LAP3: variants seen among roughly 807,000 people sequenced by gnomAD.
LAP3 encodes the protein cytosol aminopeptidase.
A neutral mutation model predicts 58.8 loss-of-function variants in LAP3; 46 were observed. That is an observed-to-expected ratio of 0.78 (90% CI 0.62 to 1.00). LAP3 has a LOEUF of 1.00. Among genes scored for constraint, LAP3 ranks in the 50% least tolerant of loss-of-function variants. LAP3 has a pLI of 0.00. For missense variants in LAP3, 615 were observed against 659.1 expected, an observed-to-expected ratio of 0.93 and a Z score of 0.73; for synonymous variants, 257 against 237.7, an observed-to-expected ratio of 1.08 and a Z score of -0.75.
In LAP3 at chr4:17,585,100, T is replaced by C; in HGVS notation, c.668T>C (p.Leu223Pro). ...TRFAEIIEKNLKSASSKTEVH... is the reference protein window; with the variant it reads ...TRFAEIIEKNPKSASSKTEVH... ...TTTGCTGAAATTATTGAGAAGAATC[T>C]CAAAAGTGCTAGTAGTAAAACCGAG... The change falls in exon 6 of 13, where the codon CTC becomes CCC. Residue 223 changes from leucine to proline, a missense_variant. By Grantham distance (98) the Leu-to-Pro change is moderately conservative. Coordinates refer to ENST00000226299, the MANE Select transcript of LAP3 (RefSeq NM_015907.3). 6.2e-7 allele frequency: 1 copy of C among 1,613,882 alleles called. No individual in the cohort carries two copies.
intron 6 of LAP3, chr4:17,585,435 ATTTTT>A: frequency 1.2e-4 from 18 of 148,820 alleles, no homozygotes; most frequent in Non-Finnish European, 1.8e-4. Context: ...CAATTCAGTG[ATTTTT>A]TTTTTTTTTT....
In LAP3 at chr4:17,604,585, CA is replaced by C; in HGVS notation, c.1181-2del. 3.7e-6 allele frequency: 6 copies of C among 1,613,666 alleles called. No homozygotes were observed. The highest frequency in any genetic ancestry group is 5.1e-6 in the Non-Finnish European group (6 of 1,179,590). On this transcript the variant is annotated splice_acceptor_variant, in intron 10 of 12. Transcript: ENST00000226299. LOFTEE classifies it high-confidence loss of function. ...ACGTGACCTGAGGGCTTGTGTCTTA[CA>C]GGTGCCATGGATGTAGCTTTGGGAT...
chr4:17,594,896 G>A (rs1326423063), intron 7 of LAP3, among the ~76,000 whole-genome samples: 3 of 152,058 alleles, frequency 2.0e-5, no homozygotes, highest in Non-Finnish European at 4.4e-5. Flanking sequence ...AGACTATGTG[G>A]GTGTCAGGAG....
At chr4:17,584,861 A>T (rs1046489777) in intron 5 of LAP3, 111 bp from the exon 6 acceptor site, 19 of 1,064,672 alleles carry the variant, frequency 1.8e-5, no homozygotes, top group Non-Finnish European at 2.4e-5. Context: ...ATTGTTTTTG[A>T]TTTGTAGTCT....
chr4:17,592,720 T>C (rs1264878918), intron 7 of LAP3, among the ~76,000 whole-genome samples: 1 of 152,246 alleles, frequency 6.6e-6, no homozygotes, highest in African/African-American at 2.4e-5. Context: ...TTTGATATTG[T>C]CAGTCTTTAT....
At chr4:17,589,162 G>A (rs1713613476) in intron 7 of LAP3, among the ~76,000 whole-genome samples, 185 bp downstream of exon 7, 1 of 151,680 alleles carries the variant, frequency 6.6e-6, no homozygotes, top group African/African-American at 2.4e-5. Flanking sequence ...CCAGGCTCAA[G>A]CAATCCTTGT....
Position 17,584,926 on chromosome 4 carries a change from G to A in LAP3, c.540-46G>A, listed in dbSNP as rs568241696. The A allele has an allele frequency of 1.3e-4, 208 of 1,595,904 alleles. 2 individuals are homozygous for A. The highest frequency in any genetic ancestry group is 8.1e-4 in the East Asian group (36 of 44,600). ...GTCTCTTAGTTGGCAGGCAGTCAGCGTTCTTGAGAGGTTGTTTGACAGTCA... is the reference window on the plus strand; with the variant it reads ...GTCTCTTAGTTGGCAGGCAGTCAGCATTCTTGAGAGGTTGTTTGACAGTCA... On this transcript the variant is annotated intron_variant, in intron 5 of 12. Coordinates refer to ENST00000226299, the MANE Select transcript of LAP3 (RefSeq NM_015907.3).
intron 11 of LAP3, among the ~76,000 whole-genome samples, chr4:17,606,427 G>A (rs887348826): frequency 6.6e-5 from 10 of 151,874 alleles, no homozygotes; most frequent in African/African-American, 2.2e-4. Flanking sequence ...CAACCTCCCC[G>A]TCCTGGGTTC....
rs1713214311 is a variant in LAP3 at position 17,577,227 on chromosome 4, G to GGCGCACACGCATGCGC, written c.-230_-229insCATGCGCGCGCACACG. 1 of 368,690 alleles carries GGCGCACACGCATGCGC rather than the reference G, an allele frequency of 2.7e-6. No homozygotes were observed. The allele number at this position is 368,690 out of a possible 1,614,324, so 22.8% of individuals were successfully genotyped here. On this transcript the variant is annotated 5_prime_UTR_variant, in exon 1 of 13. In the 5' UTR this introduces an upstream ATG that the reference lacks. Transcript: ENST00000226299. ...ACGAATGCGGGCGCACACGAATGCG[G>GGCGCACACGCATGCGC]GCGCACACGAATGCGGGCGCACCCT...
chr4:17,581,869 C>A, intron 3 of LAP3, 55 bp downstream of exon 3: 1 of 1,346,958 alleles, frequency 7.4e-7, no homozygotes, highest in Non-Finnish European at 1.1e-6. Context: ...TACTGTACAC[C>A]AAGTATTGGG....
chr4:17,605,827 A>G (rs1714113258), intron 11 of LAP3, among the ~76,000 whole-genome samples: 1 of 152,152 alleles, frequency 6.6e-6, no homozygotes, highest in South Asian at 2.1e-4. Context: ...AAAAAATCTC[A>G]GTTATATGTG....
chr4:17,587,253 A>C (rs546853484), intron 6 of LAP3, among the ~76,000 whole-genome samples: 2 of 152,214 alleles, frequency 1.3e-5, no homozygotes, highest in Non-Finnish European at 2.9e-5. Context: ...GGCAGGACGC[A>C]TGGGTGGGGT....
chr4:17,582,606 C>G (rs1250052301), intron 4 of LAP3: 1 of 479,594 alleles, frequency 2.1e-6, no homozygotes, highest in Non-Finnish European at 3.8e-6. Flanking sequence ...TTTAATATAT[C>G]TATATCTCAT....
chr4:17,578,775 T>C (rs1713277546), intron 1 of LAP3, among the ~76,000 whole-genome samples: 1 of 152,228 alleles, frequency 6.6e-6, no homozygotes, highest in Non-Finnish European at 1.5e-5. Context: ...AGTGAGCCGC[T>C]AAGTGCTTAG....
intron 11 of LAP3, 129 bp downstream of exon 11, chr4:17,604,796 A>G: frequency 1.4e-6 from 1 of 706,636 alleles, no homozygotes; most frequent in East Asian, 2.7e-5. Context: ...TGAATTGAAA[A>G]TGAACCACAG....
At chr4:17,603,205 A>T (rs1294790816) in intron 10 of LAP3, among the ~76,000 whole-genome samples, 1 of 151,772 alleles carries the variant, frequency 6.6e-6, no homozygotes, top group African/African-American at 2.4e-5. Context: ...GCTACTCAGG[A>T]TGCTGCGGGA....
intron 10 of LAP3, among the ~76,000 whole-genome samples, chr4:17,599,725 TG>T (rs951738956): frequency 1.3e-4 from 19 of 151,762 alleles, no homozygotes; most frequent in Admixed American, 1.2e-3. Flanking sequence ...TTTTTTCTTC[TG>T]GAACTTTTTA....
chr4:17,593,724 C>T (rs1043083401), intron 7 of LAP3, among the ~76,000 whole-genome samples: 4 of 146,712 alleles, frequency 2.7e-5, no homozygotes, highest in African/African-American at 1.0e-4. Context: ...GTGATCCTCT[C>T]ACCTCAACCT....
At chr4:17,583,691 A>G in intron 5 of LAP3, 49 bp downstream of exon 5, 1 of 1,607,852 alleles carries the variant, frequency 6.2e-7, no homozygotes, top group Non-Finnish European at 8.5e-7. Flanking sequence ...GCGTTCTGAC[A>G]GCCTGGCTTT....
Sources: gnomAD v4.1 joint callset for allele counts (sites outside exome capture counted in the v4.1 genomes callset) on GRCh38, gnomAD v4.1.1 for gene constraint, MANE v1.5 for transcripts, NCBI Gene and HGNC (gene_info 2026-07-23, HGNC 2026-07-21) for gene names.